The following ANKS1B variants were observed in gnomAD, a reference collection of about 807,000 sequenced individuals.
The protein encoded by ANKS1B is ankyrin repeat and sterile alpha motif domain containing 1B.
In ANKS1B, 36 loss-of-function variants were observed where a neutral mutation model predicts 148.3. That is an observed-to-expected ratio of 0.24 (90% CI 0.19 to 0.32). The LOEUF is 0.32. Among genes scored for constraint, ANKS1B ranks in the 10% least tolerant of loss-of-function variants. The probability of loss-of-function intolerance (pLI) is 1.00; values close to 1 mark genes in which losing one functional copy is unlikely to be tolerated. For missense variants in ANKS1B, 1,157 were observed against 1,542.6 expected (o/e 0.75, Z 4.19); for synonymous variants, 542 against 560.8 (o/e 0.97, Z 0.47).
At chr12:99,942,363 G>C (rs1167827007) in intron 1 of ANKS1B, among the ~76,000 whole-genome samples, 1 of 152,180 alleles carries the variant, frequency 6.6e-6, no homozygotes, top group South Asian at 2.1e-4. Context: ...AGTGATATTT[G>C]AGAGAGCAGC....
intron 8 of ANKS1B, among the ~76,000 whole-genome samples, chr12:99,679,012 T>C (rs2098598515): frequency 6.6e-6 from 1 of 152,176 alleles, no homozygotes. Context: ...AAAGAACTCT[T>C]GAATTTTAAA....
At chr12:99,588,233 T>C (rs2097663840) in intron 9 of ANKS1B, among the ~76,000 whole-genome samples, 2 of 152,148 alleles carry the variant, frequency 1.3e-5, no homozygotes, top group Non-Finnish European at 2.9e-5. Flanking sequence ...TTAGAATTAA[T>C]AAACTGTCTG....
chr12:99,225,965 T>C (rs1426795897), intron 14 of ANKS1B, among the ~76,000 whole-genome samples: 1 of 152,240 alleles, frequency 6.6e-6, no homozygotes, highest in South Asian at 2.1e-4. Flanking sequence ...TTATTTTCTT[T>C]GTTCTCCTTT....
intron 1 of ANKS1B, among the ~76,000 whole-genome samples, chr12:99,969,431 G>A (rs150737793): frequency 1.6e-4 from 24 of 152,120 alleles, no homozygotes; most frequent in African/African-American, 4.6e-4. Flanking sequence ...CAATCCTCCC[G>A]CCTCAGCCTC....
intron 8 of ANKS1B, among the ~76,000 whole-genome samples, chr12:99,715,250 A>G (rs1452546113): frequency 1.3e-5 from 2 of 152,182 alleles, no homozygotes; most frequent in Non-Finnish European, 2.9e-5. Context: ...CCAGATGGCC[A>G]GTTCCTGCCT....
chr12:98,883,781 A>G (rs1367544263), intron 17 of ANKS1B, among the ~76,000 whole-genome samples: 1 of 152,230 alleles, frequency 6.6e-6, no homozygotes, highest in African/African-American at 2.4e-5. Flanking sequence ...GTAAATATAT[A>G]TAAAGTGCAT....
At chr12:99,872,439 A>C (rs1434978797) in intron 1 of ANKS1B, among the ~76,000 whole-genome samples, 1 of 152,088 alleles carries the variant, frequency 6.6e-6, no homozygotes, top group South Asian at 2.1e-4. Flanking sequence ...ATCAGGGGAA[A>C]AATAAGGAGA....
At chr12:98,851,950 G>A (rs549618273) in intron 17 of ANKS1B, among the ~76,000 whole-genome samples, 1 of 142,496 alleles carries the variant, frequency 7.0e-6, no homozygotes, top group East Asian at 2.3e-4. Flanking sequence ...CTTGAACCCA[G>A]GAGGTGGAGG....
In ANKS1B at chr12:98,838,397, G is replaced by A. The variant is rs766766226; in HGVS notation, c.2779-6261C>T. 5.9e-5 allele frequency among the ~76,000 whole-genome samples: 9 copies of A among 152,238 alleles called. No homozygotes were observed. In the South Asian group the frequency reaches 1.2e-3, roughly 21 times the overall value. ...ATGAAATCTCAATCCGTTTATTGCC[G>A]GCTGGACCAACTCCTGGGAAAATCA... On this transcript the variant is annotated intron_variant, in intron 17 of 26. Transcript: ENST00000683438.
intron 17 of ANKS1B, among the ~76,000 whole-genome samples, chr12:98,836,123 C>A (rs1262078698): frequency 1.3e-5 from 2 of 152,150 alleles, no homozygotes; most frequent in Non-Finnish European, 2.9e-5. Context: ...TCTCCTTGCT[C>A]TTCTTCTTGC....
intron 1 of ANKS1B, among the ~76,000 whole-genome samples, chr12:99,928,268 T>TTTA (rs1226929526): frequency 1.2e-5 from 1 of 80,450 alleles, no homozygotes. Flanking sequence ...TTTATTTTAT[T>TTTA]TTATTTTTTT....
At chr12:99,629,266 T>C (rs1284282009) in intron 9 of ANKS1B, among the ~76,000 whole-genome samples, 3 of 152,174 alleles carry the variant, frequency 2.0e-5, no homozygotes, top group Admixed American at 6.5e-5. Flanking sequence ...GTAGCTAGCA[T>C]AGGTTGTTGG....
chr12:98,897,332 G>T (rs1253759603), intron 17 of ANKS1B, among the ~76,000 whole-genome samples: 1 of 151,494 alleles, frequency 6.6e-6, no homozygotes, highest in African/African-American at 2.4e-5. Context: ...CTATGCATCT[G>T]AAAAAGGACT....
chr12:99,843,096 G>T (rs369329105), intron 1 of ANKS1B, among the ~76,000 whole-genome samples: 3 of 152,158 alleles, frequency 2.0e-5, no homozygotes, highest in South Asian at 2.1e-4. Context: ...AGGTTCAAGG[G>T]TAGATATGCA....
At chr12:99,774,128 AC>A (rs2063441676) in intron 7 of ANKS1B, among the ~76,000 whole-genome samples, 1 of 152,132 alleles carries the variant, frequency 6.6e-6, no homozygotes, top group Non-Finnish European at 1.5e-5. Context: ...AAAAATGAAC[AC>A]GCAGGATTGG....
chr12:98,906,534 C>T (rs1313118156), intron 17 of ANKS1B, among the ~76,000 whole-genome samples: 1 of 152,164 alleles, frequency 6.6e-6, no homozygotes, highest in South Asian at 2.1e-4. Flanking sequence ...GTGTCTCTGC[C>T]TTGGCATGTA....
intron 9 of ANKS1B, among the ~76,000 whole-genome samples, chr12:99,523,615 G>A (rs1877358): frequency 0.16 from 23,391 of 149,278 alleles, 2,127 homozygotes; most frequent in Non-Finnish European, 0.2. Flanking sequence ...GTGCAGGGGC[G>A]CGATCTTGGC....
intron 10 of ANKS1B, among the ~76,000 whole-genome samples, chr12:99,501,356 C>G (rs1279799352): frequency 6.6e-6 from 1 of 151,932 alleles, no homozygotes; most frequent in Admixed American, 6.6e-5. Context: ...TATTTGGGGC[C>G]CTGGAGGAGA....
intron 8 of ANKS1B, among the ~76,000 whole-genome samples, chr12:99,704,368 A>C (rs995615096): frequency 6.6e-6 from 1 of 152,126 alleles, no homozygotes; most frequent in African/African-American, 2.4e-5. Flanking sequence ...GCTTACATTA[A>C]AAAATAGAAT....
Sources: allele counts gnomAD v4.1 joint callset (sites outside exome capture counted in the v4.1 genomes callset), GRCh38; gene constraint gnomAD v4.1.1; transcripts MANE v1.5; gene names NCBI Gene and HGNC (gene_info 2026-07-23, HGNC 2026-07-21).